Variants in CTNNA2 observed in about 807,000 individuals in gnomAD.
CTNNA2 encodes catenin alpha-2.
A neutral mutation model predicts 101.0 loss-of-function variants in CTNNA2; 42 were observed. That is an observed-to-expected ratio of 0.42 (90% CI 0.32 to 0.54). CTNNA2 has a LOEUF of 0.54. Among genes scored for constraint, CTNNA2 ranks in the 20% least tolerant of loss-of-function variants. The pLI is 0.14. For missense variants in CTNNA2, 871 were observed against 1,223.1 expected, an observed-to-expected ratio of 0.71 and a Z score of 4.29; for synonymous variants, 450 against 456.4, an observed-to-expected ratio of 0.99 and a Z score of 0.18.
At chr2:79,808,141 A>G (rs982497352) in intron 3 of CTNNA2, among the ~76,000 whole-genome samples, 1 of 152,166 alleles carries the variant, frequency 6.6e-6, no homozygotes, top group African/African-American at 2.4e-5. Context: ...CTCTACAGAT[A>G]ATTTGTCTTC....
intron 4 of CTNNA2, among the ~76,000 whole-genome samples, chr2:79,868,047 A>G (rs183207167): frequency 5.3e-5 from 8 of 152,326 alleles, no homozygotes; most frequent in Middle Eastern, 3.4e-3. Context: ...GTGCCTTTCC[A>G]TACCATAAAA....
intron 6 of CTNNA2, among the ~76,000 whole-genome samples, chr2:79,898,133 C>A (rs1684838388): frequency 1.3e-5 from 2 of 151,796 alleles, no homozygotes; most frequent in East Asian, 3.9e-4. Flanking sequence ...GGTTTCTTTT[C>A]TTTCTTTTTT....
At position 80,469,638 on chromosome 2, in the gene CTNNA2, A is replaced by G. The variant is rs112987867; in HGVS notation, c.1290+50037A>G. On this transcript the variant is annotated intron_variant, in intron 9 of 18. Coordinates refer to ENST00000402739, the MANE Select transcript of CTNNA2 (RefSeq NM_001282597.3). ...CTAGGTGCCCCTGAGATTGGCTAATAAGGTCAGGGGTTGGATTTCATTGCA... is the reference window on the plus strand; with the variant it reads ...CTAGGTGCCCCTGAGATTGGCTAATGAGGTCAGGGGTTGGATTTCATTGCA... Among the ~76,000 whole-genome samples the G allele has an allele frequency of 4.0e-3, 604 of 152,284 alleles. 1 individual carries two copies. Among genetic ancestry groups the G allele is most frequent in the African/African-American group, 0.014 (587 of 41,568 alleles).
intron 7 of CTNNA2, among the ~76,000 whole-genome samples, chr2:80,095,682 CCTG>C (rs1700101144): frequency 6.6e-6 from 1 of 152,094 alleles, no homozygotes; most frequent in Non-Finnish European, 1.5e-5. Flanking sequence ...AATTTCAGAG[CCTG>C]TTACTGGTCT....
chr2:80,304,930 AGG>A (rs1676773665), intron 7 of CTNNA2: 1 of 227,254 alleles, frequency 4.4e-6, no homozygotes, highest in Non-Finnish European at 7.0e-6. Context: ...AAAAAAAAAA[AGG>A]AGGGGGGAGG....
At chr2:80,557,571 C>T (rs998595157) in intron 12 of CTNNA2, among the ~76,000 whole-genome samples, 3 of 152,124 alleles carry the variant, frequency 2.0e-5, no homozygotes, top group African/African-American at 7.2e-5. Flanking sequence ...GACTCAGTTC[C>T]TGCCCACTCA....
rs181902289 is a variant in CTNNA2, at chr2:79,258,106, C to T, written c.-405-54603C>T. ...TAACTTAACTTCACCTGTATAGCAA[C>T]CCTATTTCCAAATAAGATCACATCC... On this transcript the variant is annotated intron_variant, in intron 2 of 21. Coordinates refer to the CTNNA2 transcript ENST00000466387. Among the ~76,000 whole-genome samples, 16 of 152,272 alleles carry T rather than the reference C, an allele frequency of 1.1e-4. No individual in the cohort carries two copies. The East Asian group carries it at 3.1e-3, about 29-fold the overall frequency.
rs536394454 is a variant in CTNNA2 at position 79,795,316 on chromosome 2, C to T, written c.298+50734C>T. 2.1e-3 allele frequency among the ~76,000 whole-genome samples: 316 copies of T among 152,020 alleles called. 1 individual carries two copies. The highest frequency in any genetic ancestry group is 7.4e-3 in the African/African-American group (305 of 41,476). ...TTACGTAATTTGTGTTGTGTTGAGA[C>T]TAATTGTCTTAAAAGATTTAAAAAT... On this transcript the variant is annotated intron_variant, in intron 3 of 18. Transcript: ENST00000402739.
chr2:79,599,347 G>T (rs1480210695), intron 1 of CTNNA2, among the ~76,000 whole-genome samples: 1 of 151,962 alleles, frequency 6.6e-6, no homozygotes, highest in South Asian at 2.1e-4. Flanking sequence ...AAGTATTAAG[G>T]ATATAAACAG....
intron 18 of CTNNA2, among the ~76,000 whole-genome samples, chr2:80,641,922 A>G (rs1339458164): frequency 6.6e-6 from 1 of 152,168 alleles, no homozygotes; most frequent in Non-Finnish European, 1.5e-5. Flanking sequence ...CAAACATGTT[A>G]TACACCTACA....
intron 7 of CTNNA2, among the ~76,000 whole-genome samples, chr2:80,243,002 T>C (rs1367469416): frequency 6.6e-6 from 1 of 152,214 alleles, no homozygotes; most frequent in African/African-American, 2.4e-5. Flanking sequence ...CAGGCCCAAA[T>C]GCAGATCAGA....
intron 6 of CTNNA2, among the ~76,000 whole-genome samples, chr2:79,906,328 G>C (rs550232157): frequency 4.9e-4 from 75 of 151,826 alleles, no homozygotes; most frequent in African/African-American, 1.7e-3. Context: ...ACACCCACAT[G>C]CAATCAGTAC....
chr2:79,615,108 T>C (rs1678530216), intron 1 of CTNNA2, among the ~76,000 whole-genome samples: 1 of 152,198 alleles, frequency 6.6e-6, no homozygotes, highest in African/African-American at 2.4e-5. Flanking sequence ...AATTTAAGGT[T>C]CTTTTCAGCA....
intron 2 of CTNNA2, chr2:79,697,877 TG>T: frequency 6.6e-6 from 1 of 152,110 alleles, no homozygotes; most frequent in African/African-American, 2.4e-5. Context: ...TACAAGAGGA[TG>T]TGGTTGAAAC....
intron 4 of CTNNA2, among the ~76,000 whole-genome samples, chr2:79,411,926 C>A (rs1272790632): frequency 1.3e-5 from 2 of 152,072 alleles, no homozygotes; most frequent in East Asian, 1.9e-4. Context: ...GGACTAAATG[C>A]TCCAATTAAA....
In CTNNA2 at chr2:80,555,804, T is replaced by C. The variant is rs533425301; in HGVS notation, c.1652T>C (p.Ile551Thr). The part of the protein sequence containing the change: ...GAIRGRAARV[I>T]HIINAEMENY... ...ATCAGGGGCCGGGCAGCTCGAGTCA[T>C]ACACATCATCAATGCTGAGATGGAG... The change falls in exon 12 of 19, where the codon ATA (isoleucine) becomes ACA (threonine). Residue 551 changes from isoleucine (I) to threonine (T), a missense_variant. Ile to Thr is a moderately conservative substitution (Grantham distance 89). Coordinates refer to ENST00000402739, the MANE Select transcript of CTNNA2 (RefSeq NM_001282597.3). The C allele has an allele frequency of 3.5e-5, 56 of 1,601,298 alleles. No individual in the cohort carries two copies. The South Asian group carries it at 5.8e-4, about 17-fold the overall frequency.
chr2:79,298,787 T>C (rs558896861), intron 2 of CTNNA2, among the ~76,000 whole-genome samples: 2 of 152,346 alleles, frequency 1.3e-5, no homozygotes, highest in South Asian at 4.1e-4. Flanking sequence ...TCTCTAGGCA[T>C]CACAAGCCCT....
intron 7 of CTNNA2, chr2:80,304,868 A>T (rs1287859531): frequency 6.1e-6 from 1 of 162,840 alleles, no homozygotes; most frequent in African/African-American, 2.5e-5. Context: ...ATGTTTTTTG[A>T]TGAAACGGAA....
chr2:79,446,424 G>A (rs1292822219), intron 4 of CTNNA2, among the ~76,000 whole-genome samples: 1 of 152,020 alleles, frequency 6.6e-6, no homozygotes, highest in Non-Finnish European at 1.5e-5. Flanking sequence ...TAGAATTGCT[G>A]CAGAATAAAT....
Sources: allele counts gnomAD v4.1 joint callset (sites outside exome capture counted in the v4.1 genomes callset), GRCh38; gene constraint gnomAD v4.1.1; transcripts MANE v1.5; gene names NCBI Gene and HGNC (gene_info 2026-07-23, HGNC 2026-07-21).